Variants in ZBED1 observed in about 807,000 individuals in gnomAD.
ZBED1 encodes the protein zinc finger BED-type containing 1, also known as E3 SUMO-protein ligase ZBED1.
ZBED1 carries 19 observed loss-of-function variants against 49.7 expected under a neutral mutation model. That is an observed-to-expected ratio of 0.38 (90% CI 0.27 to 0.56). ZBED1 has a LOEUF of 0.56. ZBED1 is among the 20% of genes least tolerant of loss of function. ZBED1 has a pLI of 0.70. For missense variants in ZBED1, 806 were observed against 972.6 expected, an observed-to-expected ratio of 0.83 and a Z score of 2.28; for synonymous variants, 439 against 440.3, an observed-to-expected ratio of 1.00 and a Z score of 0.04.
chrX:2,492,372 G>C (rs1239296431), intron 1 of ZBED1, among the ~76,000 whole-genome samples: 1 of 151,912 alleles, frequency 6.6e-6, no homozygotes, highest in Non-Finnish European at 1.5e-5. Context: ...CACAAACCCA[G>C]AACGCCTGGA....
In ZBED1 at chrX:2,486,874, T is replaced by C. The variant is rs935410934; in HGVS notation, c.*1761A>G. The C allele has an allele frequency of 3.3e-5, 5 of 152,242 alleles. No individual in the cohort carries two copies. The highest frequency in any genetic ancestry group is 1.2e-4 in the African/African-American group (5 of 41,460). The allele number at this position is 152,242 out of a possible 1,614,324, so 9.4% of individuals were successfully genotyped here. On this transcript the variant is annotated 3_prime_UTR_variant, in exon 2 of 2. Transcript: ENST00000652001. Reference sequence around the variant, plus strand: ...ACGTAAGGATAACATTCTGTGCTGCTTGCAGCCCTGAGAAGTCAGCAGCCG... The same window carrying C: ...ACGTAAGGATAACATTCTGTGCTGCCTGCAGCCCTGAGAAGTCAGCAGCCG...
Position 2,490,577 on chromosome X carries a change from C to T in ZBED1, c.143G>A (p.Arg48His), listed in dbSNP as rs1257300786. ...GTAGGCGATCTGGGCCATGCAGATG[C>T]GGCAGTAGATTTTCTTCCACTGCAG... Reference protein sequence around the residue: ...CILQWKKIYCRICMAQIAYSG... With the variant: ...CILQWKKIYCHICMAQIAYSG... Residue 48 changes from arginine (R) to histidine (H), a missense_variant, in exon 2 of 2, where the codon CGC becomes CAC. Physicochemically the swap from Arg to His is conservative, Grantham distance 29. Transcript: ENST00000652001. 1.9e-6 allele frequency: 3 copies of T among 1,613,844 alleles called. No homozygotes were observed. Among genetic ancestry groups the T allele is most frequent in the African/African-American group, 1.3e-5 (1 of 74,918 alleles).
intron 1 of ZBED1, among the ~76,000 whole-genome samples, chrX:2,498,664 T>A (rs2045341539): frequency 1.3e-5 from 2 of 150,520 alleles, no homozygotes; most frequent in African/African-American, 2.4e-5. Flanking sequence ...CTTTTTCTAA[T>A]GCACAAAGAG....
Position 2,488,658 on chromosome X carries a change from T to A in ZBED1, c.2062A>T (p.Ile688Phe), listed in dbSNP as rs1290486273. Reference protein sequence around the residue: ...GDGVSGGFFGIRDSSFL With the variant: ...GDGVSGGFFGFRDSSFL ...CGCTACAGGAAGCTGCTGTCCCTAA[T>A]GCCAAAGAAACCGCCGCTGACGCCA... The change falls in exon 2 of 2, where the codon ATT becomes TTT. Residue 688 changes from isoleucine (I) to phenylalanine (F), a missense_variant. Transcript: ENST00000652001. 1.2e-6 allele frequency: 2 copies of A among 1,610,042 alleles called. No individual in the cohort carries two copies. The highest frequency in any genetic ancestry group is 2.7e-5 in the African/African-American group (2 of 74,804).
Position 2,489,424 on chromosome X carries a change from G to A in ZBED1, c.1296C>T (p.Thr432=), listed in dbSNP as rs1269392491. 1 of 1,613,808 alleles carries A rather than the reference G, an allele frequency of 6.2e-7. No homozygotes were observed. The highest frequency in any genetic ancestry group is 1.3e-5 in the African/African-American group (1 of 74,920). The change falls in exon 2 of 2, where the codon ACC becomes ACT. Residue 432 remains threonine, a synonymous_variant. Transcript: ENST00000652001. ...AGTCGGTCTCCTTGATGTTGAGCGT[G>A]GTGTTCAGGAGCATGTGCAGCAGCG... ...VKPLLHMLLN[T]TLNIKETDSK... is the part of the protein sequence containing the mutation.
In ZBED1 at chrX:2,496,495, G is replaced by A. The variant is rs184667963; in HGVS notation, c.-54+4322C>T. ...ATTATAGGCATGAGCCACCGCACCC[G>A]GCCCGCCAATAGAGATTTTAAATGT... On this transcript the variant is annotated intron_variant, in intron 1 of 1. Transcript: ENST00000652001. Among the ~76,000 whole-genome samples the A allele has an allele frequency of 2.3e-3, 349 of 152,216 alleles. 3 individuals are homozygous for A. The East Asian group carries it at 0.026, about 11-fold the overall frequency.
At chrX:2,491,081 T>TTTC (rs1263417570) in intron 1 of ZBED1, among the ~76,000 whole-genome samples, 1 of 150,092 alleles carries the variant, frequency 6.7e-6, no homozygotes, top group East Asian at 2.0e-4. Flanking sequence ...TTTTTTTTTT[T>TTTC]TTTTTTGAGA....
chrX:2,496,445 C>A (rs760262267), intron 1 of ZBED1, among the ~76,000 whole-genome samples: 1 of 152,094 alleles, frequency 6.6e-6, no homozygotes, highest in East Asian at 1.9e-4. Context: ...GCAATCCACC[C>A]GCCTCAGCCT....
In ZBED1 at chrX:2,488,799, C is replaced by T. The variant is rs1204829221; in HGVS notation, c.1921G>A (p.Val641Met). 1.1e-5 allele frequency: 17 copies of T among 1,613,802 alleles called. No homozygotes were observed. Among genetic ancestry groups the T allele is most frequent in the African/African-American group, 4.0e-5 (3 of 74,928 alleles). ...TCATACAGAAACACCTGCTCGTCCA[C>T]GTGCGCGGGAGCCAGCCGGTTCCTC... ...AKRNRLAPAH[V>M]DEQVFLYENA... Residue 641 changes from valine (V) to methionine (M), a missense_variant, in exon 2 of 2, where the codon GTG becomes ATG. Transcript: ENST00000652001.
At position 2,490,161 on chromosome X, in the gene ZBED1, C is replaced by T. The variant is rs1368276657; in HGVS notation, c.559G>A (p.Glu187Lys). 6.2e-7 allele frequency: 1 copy of T among 1,613,996 alleles called. No individual in the cohort carries two copies. Among genetic ancestry groups the T allele is most frequent in the Non-Finnish European group, 8.5e-7 (1 of 1,179,872 alleles). Reference sequence around the variant, plus strand: ...CCACACCAGGTGGCCTCGGCCAGCTCCTTCAGGATCACCTCCCGGACGGCC... The same window carrying T: ...CCACACCAGGTGGCCTCGGCCAGCTTCTTCAGGATCACCTCCCGGACGGCC... The part of the protein sequence containing the change: ...YGAVREVILK[E>K]LAEATWCGIS... The change falls in exon 2 of 2, where the codon GAG becomes AAG. Residue 187 changes from glutamate to lysine, a missense_variant. By Grantham distance (56) the Glu-to-Lys change is moderately conservative. Around this residue, in one of 2 missense-constraint regions of ZBED1, gnomAD observed 749 missense variants for 861.3 expected, o/e 0.87. Coordinates refer to ENST00000652001, the MANE Select transcript of ZBED1 (RefSeq NM_001171136.2).
chrX:2,491,817 T>C (rs2045153844), intron 1 of ZBED1, among the ~76,000 whole-genome samples: 1 of 152,194 alleles, frequency 6.6e-6, no homozygotes, highest in South Asian at 2.1e-4. Flanking sequence ...CACACACCTG[T>C]GCAAACATCA....
At position 2,489,324 on chromosome X, in the gene ZBED1, C is replaced by T. The variant is rs2045054861; in HGVS notation, c.1396G>A (p.Asp466Asn). 2 of 1,613,446 alleles carry T rather than the reference C, an allele frequency of 1.2e-6. No homozygotes were observed. The highest frequency in any genetic ancestry group is 1.7e-5 in the Admixed American group (1 of 59,978). ...AAGGTGGCCACGTTGAGAAACATGT[C>T]GATCTCGGGCGTCTCCTGGTAGGTC... ...SKTYQETPEI[D>N]MFLNVATFLD... The change falls in exon 2 of 2, where the codon GAC (aspartate) becomes AAC (asparagine). Residue 466 changes from aspartate (D) to asparagine (N), a missense_variant. Asp to Asn is a conservative substitution (Grantham distance 23, BLOSUM62 1). Coordinates refer to ENST00000652001, the MANE Select transcript of ZBED1 (RefSeq NM_001171136.2).
Position 2,495,275 on chromosome X carries a change from T to C in ZBED1, c.-53-4503A>G, listed in dbSNP as rs1358270364. Among the ~76,000 whole-genome samples the C allele has an allele frequency of 4.0e-5, 6 of 151,728 alleles. No homozygotes were observed. The South Asian group carries it at 1.0e-3, about 26-fold the overall frequency. On this transcript the variant is annotated intron_variant, in intron 1 of 1. Coordinates refer to ENST00000652001, the MANE Select transcript of ZBED1 (RefSeq NM_001171136.2). ...TGAAGCAAAGGTTTATATTTTATCA[T>C]TATTATCATTATTCCTATTGTTGTT...
Position 2,490,396 on chromosome X carries a change from G to C in ZBED1, c.324C>G (p.Asp108Glu), listed in dbSNP as rs3752331. The C allele has an allele frequency of 1.2e-6, 2 of 1,613,644 alleles. No homozygotes were observed. Among genetic ancestry groups the C allele is most frequent in the African/African-American group, 2.7e-5 (2 of 75,028 alleles). Residue 108 changes from aspartate (D) to glutamate (E), a missense_variant, in exon 2 of 2, where the codon GAC becomes GAG. Asp to Glu is a conservative substitution (Grantham distance 45, BLOSUM62 2). Around this residue, in one of 2 missense-constraint regions of ZBED1, gnomAD observed 749 missense variants for 861.3 expected, o/e 0.87. Transcript: ENST00000652001. ...CGTGGCCGGCCTTGACGGCCAGCGC[G>C]TCCTGCCCGGGCTGCTGGGACGACT... ...KPESSQQPGQDALAVKAGHGY... is the reference protein window; with the variant it reads ...KPESSQQPGQEALAVKAGHGY...
At chrX:2,495,248 C>T (rs899802737) in intron 1 of ZBED1, among the ~76,000 whole-genome samples, 7 of 150,946 alleles carry the variant, frequency 4.6e-5, no homozygotes, top group Non-Finnish European at 8.8e-5. Context: ...CGTTCCAGGA[C>T]GTGAAGCAAA....
At chrX:2,495,556 GGATTCCCAGGT>G (rs1479414406) in intron 1 of ZBED1, among the ~76,000 whole-genome samples, 1 of 151,986 alleles carries the variant, frequency 6.6e-6, no homozygotes, top group East Asian at 1.9e-4. Context: ...GAATTCCATG[GGATTCCCAGGT>G]AAAGAACCGT....
At chrX:2,499,624 T>C (rs1037265195) in intron 1 of ZBED1, among the ~76,000 whole-genome samples, 3 of 151,326 alleles carry the variant, frequency 2.0e-5, no homozygotes, top group African/African-American at 4.9e-5. Flanking sequence ...TTTAAAACAT[T>C]AGCCAGGCGT....
chrX:2,496,700 T>C (rs755109340), intron 1 of ZBED1, among the ~76,000 whole-genome samples: 9 of 152,114 alleles, frequency 5.9e-5, no homozygotes, highest in Admixed American at 2.0e-4. Flanking sequence ...TAGCGGGTGA[T>C]AGATATTAGT....
At chrX:2,495,964 G>C (rs1417812873) in intron 1 of ZBED1, among the ~76,000 whole-genome samples, 2 of 152,210 alleles carry the variant, frequency 1.3e-5, no homozygotes, top group African/African-American at 4.8e-5. Flanking sequence ...TTATGGATGA[G>C]ACTGACAAAA....
Sources: allele counts gnomAD v4.1 joint callset (sites outside exome capture counted in the v4.1 genomes callset), GRCh38; gene constraint gnomAD v4.1.1; regional missense constraint gnomAD v4.1.1; transcripts MANE v1.5; gene names NCBI Gene and HGNC (gene_info 2026-07-23, HGNC 2026-07-21).